The following FLNB variants were observed in gnomAD, a reference collection of about 807,000 sequenced individuals.
FLNB encodes the protein filamin-B.
FLNB carries 111 observed loss-of-function variants against 250.6 expected under a neutral mutation model. That is an observed-to-expected ratio of 0.44 (90% CI 0.38 to 0.52). The LOEUF (loss-of-function observed/expected upper bound fraction) is 0.52. Among genes scored for constraint, FLNB ranks in the 20% least tolerant of loss-of-function variants. The probability of loss-of-function intolerance (pLI) is 0.00; values close to 1 mark genes in which losing one functional copy is unlikely to be tolerated. For missense variants in FLNB, 2,869 were observed against 3,447.8 expected, an observed-to-expected ratio of 0.83 and a Z score of 4.20; for synonymous variants, 1,302 against 1,372.1, an observed-to-expected ratio of 0.95 and a Z score of 1.13.
chr3:58,113,372 GAGA>G (rs2097272319), intron 18 of FLNB, among the ~76,000 whole-genome samples: 1 of 152,170 alleles, frequency 6.6e-6, no homozygotes, highest in Admixed American at 6.5e-5. Context: ...CCATTTGTAG[GAGA>G]AGAAGGGCAA....
chr3:58,112,008 C>T (rs2097269629), intron 17 of FLNB, 127 bp downstream of exon 17: 2 of 1,164,014 alleles, frequency 1.7e-6, no homozygotes, highest in Admixed American at 1.7e-5. Flanking sequence ...GTTTTCTGTG[C>T]AGCTCTGATG....
At chr3:58,114,522 T>G (rs1392564448) in intron 18 of FLNB, among the ~76,000 whole-genome samples, 1 of 148,550 alleles carries the variant, frequency 6.7e-6, no homozygotes, top group African/African-American at 2.5e-5. Flanking sequence ...TCTTTGAGTC[T>G]CTGCATTTAA....
In FLNB at chr3:58,125,651, T is replaced by G. The variant is rs777861568; in HGVS notation, c.3969T>G (p.Thr1323=). 1.2e-6 allele frequency: 2 copies of G among 1,613,958 alleles called. No homozygotes were observed. The highest frequency in any genetic ancestry group is 1.7e-6 in the Non-Finnish European group (2 of 1,179,914). ...IPNSPFKVAV[T]EGCQPSRVQA... ...ACAGTCCCTTCAAGGTGGCTGTCAC[T>G]GAAGGCTGCCAGCCATCTAGGGTGC... Residue 1323 remains threonine (T), a synonymous_variant, in exon 23 of 46, where the codon ACT becomes ACG. Coordinates refer to ENST00000295956, the MANE Select transcript of FLNB (RefSeq NM_001457.4).
At chr3:58,163,488 T>C in intron 43 of FLNB, 158 bp downstream of exon 43, 1 of 717,556 alleles carries the variant, frequency 1.4e-6, no homozygotes, top group Non-Finnish European at 2.3e-6. Context: ...AAAGCTGTTT[T>C]GGGAGTTGCG....
At position 58,078,640 on chromosome 3, in the gene FLNB, G is replaced by A. The variant is rs564562791; in HGVS notation, c.542-77G>A. ...TCTCTGAACTAAAAGAAAAAATGGG[G>A]TTAGTTTAGGCACATGGTTTCCTTT... On this transcript the variant is annotated intron_variant, in intron 2 of 45. Transcript: ENST00000295956. 3 of 1,510,296 alleles carry A rather than the reference G, an allele frequency of 2.0e-6. No individual in the cohort carries two copies. In the African/African-American group the frequency reaches 4.1e-5, roughly 21 times the overall value. The allele number at this position is 1,510,296 out of a possible 1,614,324, so 93.6% of individuals were successfully genotyped here.
chr3:58,142,779 C>A lies in FLNB; in HGVS notation c.5284+27C>A. ...TAAGCACTTGCCATAAAGGCCGTCT[C>A]ATTCTCACTTGCTCTCACGAGCTTC... On this transcript the variant is annotated intron_variant, in intron 31 of 45. Transcript: ENST00000295956. The surrounding 1 kb of genome is among the most constrained non-coding windows in gnomAD (Gnocchi z 4.3). 6.3e-7 allele frequency: 1 copy of A among 1,583,790 alleles called. No individual in the cohort carries two copies. Among genetic ancestry groups the A allele is most frequent in the Non-Finnish European group, 8.7e-7 (1 of 1,152,572 alleles).
At chr3:58,045,470 A>ATT (rs1434430644) in intron 1 of FLNB, among the ~76,000 whole-genome samples, 2 of 151,528 alleles carry the variant, frequency 1.3e-5, no homozygotes, top group African/African-American at 4.9e-5. Context: ...ATCCTTTCGC[A>ATT]TTTGTTTTTT....
chr3:58,119,998 G>C (rs1202864497), intron 19 of FLNB, among the ~76,000 whole-genome samples: 2 of 152,220 alleles, frequency 1.3e-5, no homozygotes, highest in Admixed American at 6.5e-5. Flanking sequence ...ATGTACCTCA[G>C]GGCTCACATT....
chr3:58,113,030 A>G (rs1462714720), intron 18 of FLNB, among the ~76,000 whole-genome samples: 1 of 152,230 alleles, frequency 6.6e-6, no homozygotes, highest in African/African-American at 2.4e-5. Flanking sequence ...AAAAATTTGT[A>G]TCGTGGTAAA....
At chr3:58,137,032 T>G (rs1409330377) in intron 28 of FLNB, among the ~76,000 whole-genome samples, 1 of 152,150 alleles carries the variant, frequency 6.6e-6, no homozygotes, top group Non-Finnish European at 1.5e-5. Flanking sequence ...CCTTTCAGTT[T>G]TTAAGAACAG....
At chr3:58,079,139 T>C (rs943452707) in intron 3 of FLNB, among the ~76,000 whole-genome samples, 7 of 152,222 alleles carry the variant, frequency 4.6e-5, no homozygotes, top group Non-Finnish European at 8.8e-5. Context: ...ACTACAAATA[T>C]GGACCCTAAC....
chr3:58,146,779 C>G (rs1038645871), intron 33 of FLNB, 41 bp from the exon 34 acceptor site: 1 of 1,609,940 alleles, frequency 6.2e-7, no homozygotes, highest in Non-Finnish European at 8.5e-7. Flanking sequence ...AACAAGGCAA[C>G]TCTCTCCCTA....
At position 58,104,067 on chromosome 3, in the gene FLNB, G is replaced by T. The variant is rs1559695165; in HGVS notation, c.1592G>T (p.Gly531Val). ...GRYSIAITWG[G>V]HHIPKSPFEV... Reference sequence around the variant, plus strand: ...TACAGCATTGCCATCACATGGGGGGGACACCACATTCCAAAGAGGTGAGGC... The same window carrying T: ...TACAGCATTGCCATCACATGGGGGGTACACCACATTCCAAAGAGGTGAGGC... Residue 531 changes from glycine to valine, a missense_variant, in exon 10 of 46, where the codon GGA becomes GTA. Gly to Val is a moderately radical substitution (Grantham distance 109). Coordinates refer to ENST00000295956, the MANE Select transcript of FLNB (RefSeq NM_001457.4). 3 of 1,613,898 alleles carry T rather than the reference G, an allele frequency of 1.9e-6. No homozygotes were observed. Among genetic ancestry groups the T allele is most frequent in the South Asian group, 2.2e-5 (2 of 91,056 alleles).
intron 1 of FLNB, among the ~76,000 whole-genome samples, chr3:58,075,120 C>T (rs1394498777): frequency 6.6e-6 from 1 of 152,016 alleles, no homozygotes; most frequent in East Asian, 1.9e-4. Flanking sequence ...CACCCCTTAT[C>T]AGCATGTGAG....
intron 40 of FLNB, among the ~76,000 whole-genome samples, chr3:58,155,320 C>T (rs1302435331): frequency 6.6e-6 from 1 of 152,206 alleles, no homozygotes; most frequent in Non-Finnish European, 1.5e-5. Context: ...CTGGCGAAGC[C>T]TATGGGGACT....
intron 1 of FLNB, among the ~76,000 whole-genome samples, chr3:58,063,277 C>T (rs1436143722): frequency 1.3e-5 from 2 of 152,196 alleles, no homozygotes; most frequent in African/African-American, 2.4e-5. Flanking sequence ...TGGGTTCCAC[C>T]CATCCCTGCA....
intron 1 of FLNB, among the ~76,000 whole-genome samples, chr3:58,027,471 G>A (rs186555371): frequency 1.8e-4 from 27 of 151,952 alleles, no homozygotes; most frequent in Admixed American, 1.6e-3. Flanking sequence ...TAGTATCAAC[G>A]AGGTTTCACC....
intron 1 of FLNB, among the ~76,000 whole-genome samples, chr3:58,030,135 C>T (rs1480109210): frequency 6.6e-6 from 1 of 152,124 alleles, no homozygotes; most frequent in Non-Finnish European, 1.5e-5. Flanking sequence ...CTAATGGCAC[C>T]AGGACACTCA....
At chr3:58,098,007 C>T in intron 7 of FLNB, 30 bp downstream of exon 7, 2 of 1,612,030 alleles carry the variant, frequency 1.2e-6, no homozygotes, top group African/African-American at 1.3e-5. Context: ...TGGATCTGAC[C>T]TTTGCGCTTT....
Sources: allele counts gnomAD v4.1 joint callset (sites outside exome capture counted in the v4.1 genomes callset), GRCh38; gene constraint gnomAD v4.1.1; non-coding constraint Gnocchi (gnomAD v3.1); transcripts MANE v1.5; gene names NCBI Gene and HGNC (gene_info 2026-07-23, HGNC 2026-07-21).